The following QKI variants were observed in gnomAD, a reference collection of about 807,000 sequenced individuals.
QKI encodes the protein QKI, KH domain containing RNA binding.
Under a neutral mutation model 39.0 loss-of-function variants are expected in QKI, and 10 were observed. That is an observed-to-expected ratio of 0.26 (90% CI 0.16 to 0.43). The LOEUF (loss-of-function observed/expected upper bound fraction) is 0.43. Ranked by LOEUF, QKI falls within the 20% of genes least tolerant of loss-of-function variation. The pLI is 1.00. For synonymous variants in QKI, 204 were observed against 155.4 expected (o/e 1.31, Z -2.33); for missense variants, 218 against 428.0 (o/e 0.51, Z 4.33).
Position 163,485,883 on chromosome 6 carries a change from A to G in QKI, c.402+6987A>G, listed in dbSNP as rs532675189. On this transcript the variant is annotated intron_variant, in intron 3 of 7. Coordinates refer to ENST00000361752, the MANE Select transcript of QKI (RefSeq NM_006775.3). ...CCCTGGACCACATTGGAAGATGACAAATTGTCATGGGCCACACATAAAATA... is the reference window on the plus strand; with the variant it reads ...CCCTGGACCACATTGGAAGATGACAGATTGTCATGGGCCACACATAAAATA... Among the ~76,000 whole-genome samples the G allele has an allele frequency of 3.9e-5, 6 of 152,352 alleles. No individual in the cohort carries two copies. The South Asian group carries it at 8.3e-4, about 21-fold the overall frequency.
intron 2 of QKI, among the ~76,000 whole-genome samples, chr6:163,467,725 TAAC>T (rs1330346239): frequency 2.0e-5 from 3 of 152,166 alleles, no homozygotes; most frequent in Non-Finnish European, 4.4e-5. Flanking sequence ...AATATGAAGG[TAAC>T]AAGGCATAAG....
intron 3 of QKI, among the ~76,000 whole-genome samples, chr6:163,493,540 G>T (rs1778202973): frequency 6.6e-6 from 1 of 152,140 alleles, no homozygotes. Flanking sequence ...ATGCTGTGAA[G>T]AATATCTGTA....
chr6:163,431,125 TG>T (rs1325912885), intron 1 of QKI, among the ~76,000 whole-genome samples: 6 of 152,136 alleles, frequency 3.9e-5, no homozygotes, highest in African/African-American at 9.7e-5. Context: ...AATAATTGTT[TG>T]GGAATCTTAA....
Position 163,542,294 on chromosome 6 carries a change from T to C in QKI, c.546+7169T>C, listed in dbSNP as rs575660485. Among the ~76,000 whole-genome samples, 255 of 152,140 alleles carry C rather than the reference T, an allele frequency of 1.7e-3. 4 individuals are homozygous for C. Among genetic ancestry groups the C allele is most frequent in the Non-Finnish European group, 3.7e-4 (25 of 67,920 alleles). ...TCTAGTTGGAAAGTAATACATGATA[T>C]TTCTTAGTCAAGACTTTATATGGAT... On this transcript the variant is annotated intron_variant, in intron 4 of 7. Transcript: ENST00000361752.
At chr6:163,522,796 A>T (rs921581678) in intron 3 of QKI, among the ~76,000 whole-genome samples, 4 of 152,142 alleles carry the variant, frequency 2.6e-5, no homozygotes, top group African/African-American at 9.7e-5. Flanking sequence ...ATTATTCTAC[A>T]CAGTTGTGTT....
chr6:163,450,690 C>G (rs1049568664), intron 1 of QKI, among the ~76,000 whole-genome samples: 3 of 151,372 alleles, frequency 2.0e-5, no homozygotes, highest in Admixed American at 2.0e-4. Flanking sequence ...TAAGTAGTAA[C>G]AGGTTTTCAG....
In QKI at chr6:163,415,167, G is replaced by GGCGGAGTGAGCT; in HGVS notation, c.-20_-9dup. 1 of 1,453,710 alleles carries GGCGGAGTGAGCT rather than the reference G, an allele frequency of 6.9e-7. No homozygotes were observed. Among genetic ancestry groups the GGCGGAGTGAGCT allele is most frequent in the Non-Finnish European group, 9.2e-7 (1 of 1,089,056 alleles). The allele number at this position is 1,453,710 out of a possible 1,614,324, so 90.1% of individuals were successfully genotyped here. The stretch of plus-strand genomic sequence containing the variant: ...TCCGGCGGCGGCGGCGGCGGCGGCG[G>GGCGGAGTGAGCT]GCGGAGTGAGCTGCGGAGCCTGGAA... On this transcript the variant is annotated 5_prime_UTR_variant, in exon 1 of 8. Transcript: ENST00000361752.
chr6:163,491,613 G>A (rs1778059335), intron 3 of QKI, among the ~76,000 whole-genome samples: 1 of 152,100 alleles, frequency 6.6e-6, no homozygotes, highest in Non-Finnish European at 1.5e-5. Flanking sequence ...AGATAGAAGA[G>A]TACAAAACAG....
At chr6:163,537,646 G>A (rs116298141) in intron 4 of QKI, among the ~76,000 whole-genome samples, 3 of 152,252 alleles carry the variant, frequency 2.0e-5, no homozygotes, top group African/African-American at 7.2e-5. Flanking sequence ...TTTCTTGTTC[G>A]TTCAGTATTC....
At chr6:163,417,733 G>A (rs976202158) in intron 1 of QKI, among the ~76,000 whole-genome samples, 1 of 152,068 alleles carries the variant, frequency 6.6e-6, no homozygotes, top group Non-Finnish European at 1.5e-5. Context: ...TCCATCTCTT[G>A]TCTTGCTATC....
At chr6:163,495,764 T>C (rs1005211778) in intron 3 of QKI, among the ~76,000 whole-genome samples, 1 of 152,192 alleles carries the variant, frequency 6.6e-6, no homozygotes, top group African/African-American at 2.4e-5. Flanking sequence ...TCTTTCTTCA[T>C]GACTAGATTC....
chr6:163,547,578 C>T (rs2128245248), intron 4 of QKI, among the ~76,000 whole-genome samples: 1 of 152,302 alleles, frequency 6.6e-6, no homozygotes, highest in East Asian at 1.9e-4. Context: ...TCATACATAA[C>T]ATTTTGAAAA....
chr6:163,510,491 G>T (rs577729006), intron 3 of QKI, among the ~76,000 whole-genome samples: 1 of 151,784 alleles, frequency 6.6e-6, no homozygotes, highest in Non-Finnish European at 1.5e-5. Context: ...AACTCGGGAG[G>T]TGTGGGTTGC....
intron 1 of QKI, among the ~76,000 whole-genome samples, chr6:163,453,258 T>C (rs1790706711): frequency 6.6e-6 from 1 of 152,118 alleles, no homozygotes; most frequent in Admixed American, 6.5e-5. Context: ...TAGTGCATTT[T>C]TCTTTTTCTA....
chr6:163,513,693 A>G (rs1779627543), intron 3 of QKI, among the ~76,000 whole-genome samples: 1 of 152,122 alleles, frequency 6.6e-6, no homozygotes, highest in Non-Finnish European at 1.5e-5. Context: ...ATTTCTTCCC[A>G]GGCCATTTCA....
chr6:163,429,136 A>G (rs941493635), intron 1 of QKI: 8 of 152,186 alleles, frequency 5.3e-5, no homozygotes, highest in Non-Finnish European at 1.2e-4. Flanking sequence ...GCAATGGCCA[A>G]TTTTGTCTAT....
chr6:163,421,739 ATTTCTTT>A (rs1261234401), intron 1 of QKI, among the ~76,000 whole-genome samples: 20 of 148,672 alleles, frequency 1.3e-4, no homozygotes, highest in Admixed American at 4.7e-4. Context: ...AAGCTCTTTT[ATTTCTTT>A]TTTCTTTTTT....
intron 4 of QKI, among the ~76,000 whole-genome samples, chr6:163,542,406 A>G (rs140409665): frequency 5.9e-5 from 9 of 152,130 alleles, no homozygotes; most frequent in African/African-American, 1.9e-4. Context: ...ATGCTGGATT[A>G]TGCTGATATT....
At chr6:163,558,060 T>C (rs187867514) in intron 4 of QKI, among the ~76,000 whole-genome samples, 14 of 152,302 alleles carry the variant, frequency 9.2e-5, no homozygotes, top group East Asian at 1.9e-4. Context: ...TCATTCCCGA[T>C]CAAGGTTCTG....
Sources: gnomAD v4.1 joint callset for allele counts (sites outside exome capture counted in the v4.1 genomes callset) on GRCh38, gnomAD v4.1.1 for gene constraint, MANE v1.5 for transcripts, NCBI Gene and HGNC (gene_info 2026-07-23, HGNC 2026-07-21) for gene names.